LSM11: variants seen among roughly 807,000 people sequenced by gnomAD.
The protein encoded by LSM11 is LSM11, U7 small nuclear RNA associated.
LSM11 carries 14 observed loss-of-function variants against 28.1 expected under a neutral mutation model. The observed-to-expected ratio is 0.50, with a 90% confidence interval of 0.33 to 0.78. The LOEUF (loss-of-function observed/expected upper bound fraction) is 0.78. Among genes scored for constraint, LSM11 ranks in the 30% least tolerant of loss-of-function variants. The probability of loss-of-function intolerance (pLI) is 0.02; values close to 1 mark genes in which losing one functional copy is unlikely to be tolerated. For missense variants in LSM11, 495 were observed against 510.6 expected, an observed-to-expected ratio of 0.97 and a Z score of 0.30; for synonymous variants, 207 against 214.2, an observed-to-expected ratio of 0.97 and a Z score of 0.30.
rs903499841 is a variant in LSM11, at chr5:157,743,712, C to T, written c.-39C>T. On this transcript the variant is annotated 5_prime_UTR_variant, in exon 1 of 4. Transcript: ENST00000286307. ...AGTGCCGCCCTCTGGCGGCTTCGTT[C>T]CTTCTTCCCATCGGCCTCGGCTTGC... 3 of 1,291,088 alleles carry T rather than the reference C, an allele frequency of 2.3e-6. No individual in the cohort carries two copies. Among genetic ancestry groups the T allele is most frequent in the Non-Finnish European group, 2.0e-6 (2 of 1,010,218 alleles). 80.0% of individuals were successfully genotyped at this position (1,291,088 alleles called of 1,614,324 possible).
At chr5:157,748,138 T>A (rs575056996) in intron 1 of LSM11, among the ~76,000 whole-genome samples, 2 of 152,186 alleles carry the variant, frequency 1.3e-5, no homozygotes, top group Non-Finnish European at 2.9e-5. Flanking sequence ...TTCTATAGAA[T>A]GGCAACTAAA....
Position 157,755,016 on chromosome 5 carries a change from C to T in LSM11, c.835C>T (p.Arg279Cys), listed in dbSNP as rs777346696. The change falls in exon 4 of 4, where the codon CGC becomes TGC. Residue 279 changes from arginine (R) to cysteine (C), a missense_variant. Transcript: ENST00000286307. ...TGGCCGGGGCTCACACAAGCGTTCC[C>T]GCTCTGTCCCTTCTTCCCTGCAGGC... Reference protein sequence around the residue: ...DTGRGSHKRSRSVPSSLQASA... With the variant: ...DTGRGSHKRSCSVPSSLQASA... 9.9e-6 allele frequency: 16 copies of T among 1,614,078 alleles called. No homozygotes were observed. The highest frequency in any genetic ancestry group is 3.3e-5 in the Admixed American group (2 of 60,024).
At chr5:157,748,928 A>G (rs1761183759) in intron 1 of LSM11, among the ~76,000 whole-genome samples, 1 of 152,210 alleles carries the variant, frequency 6.6e-6, no homozygotes, top group South Asian at 2.1e-4. Flanking sequence ...AACCTGACTC[A>G]TATCCATTTG....
chr5:157,750,720 T>C (rs1761217368), intron 1 of LSM11, among the ~76,000 whole-genome samples: 1 of 152,238 alleles, frequency 6.6e-6, no homozygotes, highest in South Asian at 2.1e-4. Context: ...ATGAATTGTC[T>C]TAAGGCACAG....
chr5:157,755,405 C>A lies in LSM11; in HGVS notation c.*141C>A. The A allele has an allele frequency of 1.1e-6, 1 of 945,452 alleles. No homozygotes were observed. Among genetic ancestry groups the A allele is most frequent in the Non-Finnish European group, 1.5e-6 (1 of 650,794 alleles). 58.6% of individuals were successfully genotyped at this position (945,452 alleles called of 1,614,324 possible). On this transcript the variant is annotated 3_prime_UTR_variant, in exon 4 of 4. Transcript: ENST00000286307. ...GCAGAGGACGGAGCAGGCTCAGCCC[C>A]CTGGAAGATGAGCTCAAGGGGAGGA... is the stretch of plus-strand genomic sequence containing the variant.
rs914403156 is a variant in LSM11, at chr5:157,759,144, C to A, written c.*3880C>A. On this transcript the variant is annotated 3_prime_UTR_variant, in exon 4 of 4. Coordinates refer to ENST00000286307, the MANE Select transcript of LSM11 (RefSeq NM_173491.4). ...ATGTCAAGTCAGGAAGCCAAGAAAC[C>A]GTTGGCATTAAAATCTAGATGCATA... The A allele has an allele frequency of 1.3e-5, 2 of 152,268 alleles. No individual in the cohort carries two copies. The highest frequency in any genetic ancestry group is 2.1e-4 in the South Asian group (1 of 4,822). The allele number at this position is 152,268 out of a possible 1,614,324, so 9.4% of individuals were successfully genotyped here. A position where few individuals can be genotyped will look rare whatever the true frequency, so the allele number is the denominator to read the frequency against.
Position 157,757,692 on chromosome 5 carries a change from G to T in LSM11, c.*2428G>T, listed in dbSNP as rs762301253. On this transcript the variant is annotated 3_prime_UTR_variant, in exon 4 of 4. Transcript: ENST00000286307. ...AGGTTTAATCATCAGGCAACACTGC[G>T]TATACCTGTGTGGCTATCCTCATCT... The T allele has an allele frequency of 6.6e-6, 1 of 152,106 alleles. No homozygotes were observed. The highest frequency in any genetic ancestry group is 6.5e-5 in the Admixed American group (1 of 15,268). The allele number at this position is 152,106 out of a possible 1,614,324, so 9.4% of individuals were successfully genotyped here.
At position 157,743,789 on chromosome 5, in the gene LSM11, C is replaced by A. The variant is rs1245714187; in HGVS notation, c.39C>A (p.Ala13=). ...ERERGARSAG[A]GSPARPPSPR... is the part of the protein sequence containing the mutation. ...AGCGGGGGGCGAGGTCGGCTGGCGC[C>A]GGGAGCCCCGCGCGCCCGCCCAGCC... The change falls in exon 1 of 4, where the codon GCC becomes GCA. Residue 13 remains alanine, a synonymous_variant. Coordinates refer to ENST00000286307, the MANE Select transcript of LSM11 (RefSeq NM_173491.4). 4 of 1,442,882 alleles carry A rather than the reference C, an allele frequency of 2.8e-6. No homozygotes were observed. The East Asian group carries it at 1.2e-4, about 42-fold the overall frequency. The allele number at this position is 1,442,882 out of a possible 1,614,324, so 89.4% of individuals were successfully genotyped here. A position where few individuals can be genotyped will look rare whatever the true frequency, so the allele number is the denominator to read the frequency against.
rs1206932193 is a variant in LSM11 at position 157,757,752 on chromosome 5, C to T, written c.*2488C>T. 2.0e-5 allele frequency: 3 copies of T among 152,240 alleles called. No individual in the cohort carries two copies. Among genetic ancestry groups the T allele is most frequent in the African/African-American group, 7.2e-5 (3 of 41,452 alleles). 9.4% of individuals were successfully genotyped at this position (152,240 alleles called of 1,614,324 possible). On this transcript the variant is annotated 3_prime_UTR_variant, in exon 4 of 4. Transcript: ENST00000286307. ...CTCATCCCTCGGCTAGAATGATGTACTCTACTTTCCCAATAAGGTAGAAAT... is the reference window on the plus strand; with the variant it reads ...CTCATCCCTCGGCTAGAATGATGTATTCTACTTTCCCAATAAGGTAGAAAT...
chr5:157,749,667 G>A (rs113878751), intron 1 of LSM11, among the ~76,000 whole-genome samples: 3 of 152,268 alleles, frequency 2.0e-5, no homozygotes, highest in African/African-American at 7.2e-5. Flanking sequence ...AATACTGCTA[G>A]AAGAGAGGTA....
At chr5:157,750,978 C>T (rs1371873193) in intron 1 of LSM11, among the ~76,000 whole-genome samples, 1 of 152,120 alleles carries the variant, frequency 6.6e-6, no homozygotes. Context: ...GATGGGGTTT[C>T]ACCATGTTGG....
At chr5:157,750,118 G>T (rs1348401840) in intron 1 of LSM11, among the ~76,000 whole-genome samples, 1 of 152,200 alleles carries the variant, frequency 6.6e-6, no homozygotes, top group Non-Finnish European at 1.5e-5. Context: ...GGGGTGCGTA[G>T]TGCGTGCCTG....
intron 1 of LSM11, among the ~76,000 whole-genome samples, chr5:157,749,600 A>C (rs1389305878): frequency 1.4e-5 from 2 of 139,856 alleles, no homozygotes; most frequent in East Asian, 2.4e-4. Context: ...ACACACACAC[A>C]CACACACCCA....
chr5:157,752,843 CA>C (rs553164268), intron 2 of LSM11, among the ~76,000 whole-genome samples: 706 of 103,264 alleles, frequency 6.8e-3, no homozygotes, highest in African/African-American at 0.012. Context: ...GAGACTCTGT[CA>C]AAAAAAAAAA....
At position 157,755,193 on chromosome 5, in the gene LSM11, G is replaced by GTA; in HGVS notation, c.1014_1015dup (p.Phe339TyrfsTer6). On this transcript the variant is annotated frameshift_variant, in exon 4 of 4. Coordinates refer to ENST00000286307, the MANE Select transcript of LSM11 (RefSeq NM_173491.4). LOFTEE classifies it high-confidence loss of function. ...AAAGCCCAAAGTGGATTACCAGCAGGTATTCACTCGACACATAAATCAGAT... is the reference window on the plus strand; with the variant it reads ...AAAGCCCAAAGTGGATTACCAGCAGGTATATTCACTCGACACATAAATCAGAT... The GTA allele has an allele frequency of 6.2e-7, 1 of 1,614,238 alleles. No individual in the cohort carries two copies. The highest frequency in any genetic ancestry group is 8.5e-7 in the Non-Finnish European group (1 of 1,180,028).
At chr5:157,749,588 G>GCGCACA (rs745839236) in intron 1 of LSM11, among the ~76,000 whole-genome samples, 24 of 142,286 alleles carry the variant, frequency 1.7e-4, no homozygotes, top group African/African-American at 6.1e-4. Context: ...GCGCACGCGC[G>GCGCACA]CACACACACA....
chr5:157,750,768 T>C lies in LSM11; in HGVS notation c.449-622T>C, dbSNP rs539060911. Among the ~76,000 whole-genome samples, 4 of 152,292 alleles carry C rather than the reference T, an allele frequency of 2.6e-5. No individual in the cohort carries two copies. The East Asian group carries it at 7.7e-4, about 29-fold the overall frequency. On this transcript the variant is annotated intron_variant, in intron 1 of 3. Coordinates refer to ENST00000286307, the MANE Select transcript of LSM11 (RefSeq NM_173491.4). ...TCTCGCTGTTAATGTATACATTTAA[T>C]GTTTGCGTGCCCGTGTGTGTGTGTG...
At chr5:157,747,993 CTGTGTGTGTGTGTGTG>C (rs5872520) in intron 1 of LSM11, among the ~76,000 whole-genome samples, 2 of 148,618 alleles carry the variant, frequency 1.3e-5, no homozygotes, top group African/African-American at 5.0e-5. Context: ...CACCACACTG[CTGTGTGTGTGTGTGTG>C]TGTGTGTGTG....
Position 157,760,025 on chromosome 5 carries a change from C to A in LSM11, c.*4761C>A, listed in dbSNP as rs1300797975. On this transcript the variant is annotated 3_prime_UTR_variant, in exon 4 of 4. Coordinates refer to ENST00000286307, the MANE Select transcript of LSM11 (RefSeq NM_173491.4). ...GGGAAAAATAAGTGTGCACCTGAGA[C>A]CTTCAGTTAGTCTTTTATTTATTTA... 2 of 152,194 alleles carry A rather than the reference C, an allele frequency of 1.3e-5. No individual in the cohort carries two copies. The highest frequency in any genetic ancestry group is 2.4e-5 in the African/African-American group (1 of 41,454). 9.4% of individuals were successfully genotyped at this position (152,194 alleles called of 1,614,324 possible).
Sources: gnomAD v4.1 joint callset for allele counts (sites outside exome capture counted in the v4.1 genomes callset) on GRCh38, gnomAD v4.1.1 for gene constraint, MANE v1.5 for transcripts, NCBI Gene and HGNC (gene_info 2026-07-23, HGNC 2026-07-21) for gene names.